Variants in BLTP3A observed in about 807,000 individuals in gnomAD.
The protein encoded by BLTP3A is ICBP90 binding protein 1.
chr6:34,830,555 A>G, the BLTP3A span, among the ~76,000 whole-genome samples: 2 of 151,636 alleles, frequency 1.3e-5, no homozygotes, highest in Non-Finnish European at 2.9e-5. Flanking sequence ...ACACCACTGC[A>G]CCCCAGCCTA....
the BLTP3A span, among the ~76,000 whole-genome samples, chr6:34,826,715 C>T: frequency 8.5e-5 from 13 of 152,168 alleles, no homozygotes; most frequent in East Asian, 2.5e-3. Context: ...CCTTTACAGT[C>T]ATTATTCTTC....
chr6:34,844,966 G>A, the BLTP3A span, among the ~76,000 whole-genome samples: 2 of 152,130 alleles, frequency 1.3e-5, no homozygotes, highest in Admixed American at 6.5e-5. Context: ...GTGTTTTCTT[G>A]TAGTAGTTTC....
chr6:34,814,788 C>T, the BLTP3A span, among the ~76,000 whole-genome samples: 33 of 152,234 alleles, frequency 2.2e-4, no homozygotes, highest in Non-Finnish European at 4.3e-4. Context: ...TGGAGTTACA[C>T]TATTAACTTT....
chr6:34,858,765 C>T, the BLTP3A span: 1 of 1,614,164 alleles, frequency 6.2e-7, no homozygotes, highest in South Asian at 1.1e-5. Context: ...GTATGGACAA[C>T]AAAGGGCCTC....
the BLTP3A span, among the ~76,000 whole-genome samples, chr6:34,824,361 C>T: frequency 4.6e-5 from 7 of 151,380 alleles, no homozygotes; most frequent in South Asian, 2.1e-4. Context: ...GGTGAAACCC[C>T]GTTTCTACTA....
chr6:34,826,026 ATTTTT>A, the BLTP3A span, among the ~76,000 whole-genome samples: 1 of 76,648 alleles, frequency 1.3e-5, no homozygotes, highest in African/African-American at 7.4e-5. Context: ...TACATTTTGC[ATTTTT>A]TTTTTTTTTT....
At chr6:34,870,665 G>T in the BLTP3A span, among the ~76,000 whole-genome samples, 1 of 152,172 alleles carries the variant, frequency 6.6e-6, no homozygotes, top group African/African-American at 2.4e-5. Context: ...AGACTGCCTG[G>T]GTTCAGATCC....
At chr6:34,870,775 T>C in the BLTP3A span, 13 of 1,502,002 alleles carry the variant, frequency 8.7e-6, no homozygotes, top group South Asian at 1.3e-5. Flanking sequence ...CATAGGGTTA[T>C]TATGAATATT....
chr6:34,853,050 G>C, the BLTP3A span, among the ~76,000 whole-genome samples: 1 of 152,136 alleles, frequency 6.6e-6, no homozygotes, highest in Non-Finnish European at 1.5e-5. Flanking sequence ...GGGGTGGGGT[G>C]GTGTCAGCAA....
the BLTP3A span, chr6:34,855,822 AG>A: frequency 6.5e-7 from 1 of 1,528,280 alleles, no homozygotes; most frequent in Non-Finnish European, 8.8e-7. Flanking sequence ...GCATGCTCAG[AG>A]GGGTGCTGGA....
chr6:34,792,117 A>T, the BLTP3A span: 1 of 626,854 alleles, frequency 1.6e-6, no homozygotes, highest in Non-Finnish European at 2.2e-6. Flanking sequence ...GAGGGGCGAG[A>T]AAGCGCCATG....
chr6:34,842,227 AT>A, the BLTP3A span, among the ~76,000 whole-genome samples: 3 of 152,168 alleles, frequency 2.0e-5, no homozygotes, highest in Non-Finnish European at 4.4e-5. Flanking sequence ...CTGAGATAAT[AT>A]CACCCCAAAC....
the BLTP3A span, among the ~76,000 whole-genome samples, chr6:34,802,754 C>T: frequency 6.6e-6 from 1 of 152,148 alleles, no homozygotes; most frequent in African/African-American, 2.4e-5. Flanking sequence ...TGTTGGAGCA[C>T]TTAACATGTT....
chr6:34,797,548 C>T, the BLTP3A span, among the ~76,000 whole-genome samples: 2 of 152,150 alleles, frequency 1.3e-5, no homozygotes, highest in Non-Finnish European at 2.9e-5. Flanking sequence ...GGAAGCTTGT[C>T]GGACTAGTCA....
At chr6:34,801,474 C>T in the BLTP3A span, among the ~76,000 whole-genome samples, 4 of 151,922 alleles carry the variant, frequency 2.6e-5, no homozygotes, top group South Asian at 4.2e-4. Flanking sequence ...TGTATCTCAC[C>T]AAGGACTGTT....
At chr6:34,855,927 C>T in the BLTP3A span, 86 of 984,726 alleles carry the variant, frequency 8.7e-5, 1 homozygote, top group South Asian at 3.1e-3. Context: ...GGGGAGATAT[C>T]TAGTGCCTGA....
the BLTP3A span, chr6:34,822,081 G>A: frequency 3.5e-6 from 4 of 1,155,942 alleles, no homozygotes; most frequent in Non-Finnish European, 5.0e-6. Flanking sequence ...GTCCCTGTGA[G>A]CTTCTCTCTG....
At chr6:34,876,323 T>A in the BLTP3A span, 1 of 152,210 alleles carries the variant, frequency 6.6e-6, no homozygotes. Context: ...CTCCCGTGTG[T>A]GGAATATACA....
chr6:34,825,229 A>G, the BLTP3A span, among the ~76,000 whole-genome samples: 1 of 151,820 alleles, frequency 6.6e-6, no homozygotes, highest in South Asian at 2.1e-4. Flanking sequence ...GCCCTGATTG[A>G]TTTTGTTTGC....
Sources: gnomAD v4.1 joint callset for allele counts (sites outside exome capture counted in the v4.1 genomes callset) on GRCh38, gnomAD v4.1.1 for gene constraint, MANE v1.5 for transcripts, NCBI Gene and HGNC (gene_info 2026-07-23, HGNC 2026-07-21) for gene names.